The following MED13L variants were observed in gnomAD, a reference collection of about 807,000 sequenced individuals.
MED13L encodes the protein mediator of RNA polymerase II transcription subunit 13-like.
A neutral mutation model predicts 220.9 loss-of-function variants in MED13L; 7 were observed. The observed-to-expected ratio is 0.03, with a 90% CI of 0.02 to 0.06. The LOEUF (loss-of-function observed/expected upper bound fraction) is 0.06. Ranked by LOEUF, MED13L falls within the 10% of genes least tolerant of loss-of-function variation. The probability of loss-of-function intolerance (pLI) is 1.00; values close to 1 mark genes in which losing one functional copy is unlikely to be tolerated. For missense variants in MED13L, 1,965 were observed against 2,760.5 expected, an observed-to-expected ratio of 0.71 and a Z score of 6.46; for synonymous variants, 1,011 against 1,015.2, an observed-to-expected ratio of 1.00 and a Z score of 0.08.
chr12:116,113,972 C>A (rs942049719), intron 2 of MED13L, among the ~76,000 whole-genome samples: 1 of 152,080 alleles, frequency 6.6e-6, no homozygotes, highest in African/African-American at 2.4e-5. Flanking sequence ...GCTGCAACCA[C>A]CCTTTTTGTT....
At chr12:116,263,924 A>AGT (rs1339682601) in intron 1 of MED13L, among the ~76,000 whole-genome samples, 1 of 152,212 alleles carries the variant, frequency 6.6e-6, no homozygotes, top group Non-Finnish European at 1.5e-5. Flanking sequence ...ATGAAAACAA[A>AGT]GTACACTGAA....
intron 4 of MED13L, among the ~76,000 whole-genome samples, chr12:116,078,473 T>C (rs1043301250): frequency 1.3e-5 from 2 of 152,188 alleles, no homozygotes; most frequent in Non-Finnish European, 2.9e-5. Flanking sequence ...TCCAAGATCC[T>C]AGACTTTGTA....
At chr12:116,237,371 C>A (rs541639693) in intron 2 of MED13L, 97 bp downstream of exon 2, 1 of 978,056 alleles carries the variant, frequency 1.0e-6, no homozygotes, top group Non-Finnish European at 1.6e-6. Context: ...CACTTAAGAT[C>A]GTTCTTTTAG....
At chr12:116,184,039 A>G (rs1880718685) in intron 2 of MED13L, among the ~76,000 whole-genome samples, 1 of 152,170 alleles carries the variant, frequency 6.6e-6, no homozygotes, top group Admixed American at 6.6e-5. Flanking sequence ...AAGAAGGATT[A>G]CCACCTACAA....
In MED13L at chr12:116,228,781, C is replaced by T. The variant is rs557113244; in HGVS notation, c.310+8687G>A. Among the ~76,000 whole-genome samples, 114 of 152,086 alleles carry T rather than the reference C, an allele frequency of 7.5e-4. 1 individual carries two copies. Among genetic ancestry groups the T allele is most frequent in the Non-Finnish European group, 5.7e-4 (39 of 68,022 alleles). ...ATAATTCTTTCTCGAATTATTTAGGCCCTAAATTCTACCAATATTTAAACC... is the reference window on the plus strand; with the variant it reads ...ATAATTCTTTCTCGAATTATTTAGGTCCTAAATTCTACCAATATTTAAACC... On this transcript the variant is annotated intron_variant, in intron 2 of 30. Coordinates refer to ENST00000281928, the MANE Select transcript of MED13L (RefSeq NM_015335.5).
chr12:116,254,692 G>A (rs1871882440), intron 1 of MED13L, among the ~76,000 whole-genome samples: 1 of 152,122 alleles, frequency 6.6e-6, no homozygotes, highest in Non-Finnish European at 1.5e-5. Flanking sequence ...GAGAGGCGGA[G>A]GTTACAGTCA....
chr12:116,276,776 C>T lies in MED13L; in HGVS notation c.72+284G>A, dbSNP rs991370921. 31 of 1,287,350 alleles carry T rather than the reference C, an allele frequency of 2.4e-5. No homozygotes were observed. The African/African-American group carries it at 4.7e-4, about 20-fold the overall frequency. 79.7% of individuals were successfully genotyped at this position (1,287,350 alleles called of 1,614,324 possible). ...GCGATTGCAACAGAGGGTGGGCGTT[C>T]GAAGTGCGACCCAGAATCCGCAGCT... On this transcript the variant is annotated intron_variant, in intron 1 of 30. Coordinates refer to ENST00000281928, the MANE Select transcript of MED13L (RefSeq NM_015335.5).
chr12:115,970,812 C>T (rs141073828), intron 26 of MED13L, 42 bp from the exon 27 acceptor site: 1 of 1,583,644 alleles, frequency 6.3e-7, no homozygotes, highest in Non-Finnish European at 8.6e-7. Context: ...AATGAACAAC[C>T]CCAGAAATGA....
At chr12:115,990,655 C>A (rs1877995721) in intron 17 of MED13L, among the ~76,000 whole-genome samples, 1 of 152,120 alleles carries the variant, frequency 6.6e-6, no homozygotes, top group Admixed American at 6.5e-5. Context: ...GAAGAGGTTC[C>A]TTGGAAACTT....
At chr12:116,019,677 A>T in intron 6 of MED13L, 101 bp downstream of exon 6, 1 of 1,378,294 alleles carries the variant, frequency 7.3e-7, no homozygotes, top group Non-Finnish European at 1.0e-6. Context: ...CTTTAAAAAG[A>T]TGGGTATGGA....
chr12:116,241,530 C>A (rs1164127732), intron 1 of MED13L, among the ~76,000 whole-genome samples: 1 of 152,128 alleles, frequency 6.6e-6, no homozygotes, highest in Non-Finnish European at 1.5e-5. Context: ...GTAGAGCAGA[C>A]AAAATATTTG....
chr12:116,091,469 T>C (rs1212222453), intron 4 of MED13L, among the ~76,000 whole-genome samples: 1 of 152,186 alleles, frequency 6.6e-6, no homozygotes, highest in Non-Finnish European at 1.5e-5. Context: ...CATTCCCCTA[T>C]ATATGTTTAT....
chr12:116,170,052 T>C (rs1332336057), intron 2 of MED13L, among the ~76,000 whole-genome samples: 1 of 152,074 alleles, frequency 6.6e-6, no homozygotes, highest in Non-Finnish European at 1.5e-5. Context: ...TCAATGAACT[T>C]CTATATTCTG....
rs977132978 is a variant in MED13L, at chr12:116,148,104, G to T, written c.311-36592C>A. Among the ~76,000 whole-genome samples, 24 of 144,424 alleles carry T rather than the reference G, an allele frequency of 1.7e-4. 1 individual carries two copies. Among genetic ancestry groups the T allele is most frequent in the South Asian group, 6.7e-4 (3 of 4,486 alleles). The allele number at this position is 144,424 out of a possible 152,430, so 94.7% of individuals were successfully genotyped here. On this transcript the variant is annotated intron_variant, in intron 2 of 30. Transcript: ENST00000281928. ...GGGGCGGGAGTGGAGGGGGGCGGGG[G>T]TTCAAGCAGCTAGGACTGATTTGGT...
chr12:116,230,780 GATA>G (rs1487992939), intron 2 of MED13L, among the ~76,000 whole-genome samples: 4 of 152,052 alleles, frequency 2.6e-5, no homozygotes, highest in African/African-American at 7.2e-5. Context: ...AATTTCAACT[GATA>G]ATAAATTCAT....
chr12:116,058,416 T>C (rs1195628673), intron 4 of MED13L, among the ~76,000 whole-genome samples: 1 of 152,220 alleles, frequency 6.6e-6, no homozygotes, highest in Non-Finnish European at 1.5e-5. Flanking sequence ...GCCTTTGTAA[T>C]TACTGTACTG....
At chr12:116,078,863 A>T (rs907407018) in intron 4 of MED13L, among the ~76,000 whole-genome samples, 29 of 152,358 alleles carry the variant, frequency 1.9e-4, no homozygotes, top group Admixed American at 3.9e-4. Flanking sequence ...AAAAGAATTT[A>T]AAAAAGACTA....
At chr12:116,082,186 T>C (rs1430438628) in intron 4 of MED13L, among the ~76,000 whole-genome samples, 1 of 152,236 alleles carries the variant, frequency 6.6e-6, no homozygotes, top group Non-Finnish European at 1.5e-5. Context: ...TTATTCTTTC[T>C]AATTTTCTTT....
In MED13L at chr12:116,241,261, A is replaced by G. The variant is rs558394035; in HGVS notation, c.73-3556T>C. 1.1e-4 allele frequency among the ~76,000 whole-genome samples: 17 copies of G among 151,464 alleles called. No homozygotes were observed. In the South Asian group the frequency reaches 3.6e-3, roughly 32 times the overall value. On this transcript the variant is annotated intron_variant, in intron 1 of 30. Coordinates refer to ENST00000281928, the MANE Select transcript of MED13L (RefSeq NM_015335.5). Reference sequence around the variant, plus strand: ...CAGAGGTTGTAGTGAGCCGAAATTGAGCCACTGCACTCCAGCCTGGCAACA... The same window carrying G: ...CAGAGGTTGTAGTGAGCCGAAATTGGGCCACTGCACTCCAGCCTGGCAACA...
Sources: gnomAD v4.1 joint callset for allele counts (sites outside exome capture counted in the v4.1 genomes callset) on GRCh38, gnomAD v4.1.1 for gene constraint, MANE v1.5 for transcripts, NCBI Gene and HGNC (gene_info 2026-07-23, HGNC 2026-07-21) for gene names.